Variants in UBAP2 observed in about 807,000 individuals in gnomAD.
UBAP2 encodes the protein ubiquitin-associated protein 2.
In UBAP2, 75 loss-of-function variants were observed where a neutral mutation model predicts 139.6. The ratio of observed to expected loss-of-function variants is 0.54; its 90% confidence interval spans 0.45 to 0.65. UBAP2 has a LOEUF of 0.65. Ranked by LOEUF, UBAP2 falls within the 30% of genes least tolerant of loss-of-function variation. The pLI is 0.00. For synonymous variants in UBAP2, 526 were observed against 526.2 expected (o/e 1.00, Z 0.01); for missense variants, 1,368 against 1,369.6 (o/e 1.00, Z 0.02).
intron 2 of UBAP2, 81 bp from the exon 3 acceptor site, chr9:33,998,945 G>T: frequency 8.8e-7 from 1 of 1,130,734 alleles, no homozygotes; most frequent in Non-Finnish European, 1.3e-6. Flanking sequence ...AACAGATAAG[G>T]CTCTCAAGCA....
chr9:33,968,687 T>C (rs1346287018), intron 8 of UBAP2, among the ~76,000 whole-genome samples: 3 of 152,262 alleles, frequency 2.0e-5, no homozygotes, highest in Non-Finnish European at 2.9e-5. Flanking sequence ...TATTTTTATA[T>C]ACAATACACA....
Position 33,953,266 on chromosome 9 carries a change from T to C in UBAP2, c.1056+19A>G. On this transcript the variant is annotated intron_variant, in intron 12 of 28. Transcript: ENST00000379238. ...GGGTATATTTCTTAAAATCCCACACTGAAATAAAAGTGAGTTACCAGGCTC... is the reference window on the plus strand; with the variant it reads ...GGGTATATTTCTTAAAATCCCACACCGAAATAAAAGTGAGTTACCAGGCTC... The C allele has an allele frequency of 6.2e-7, 1 of 1,601,488 alleles. No individual in the cohort carries two copies. The highest frequency in any genetic ancestry group is 8.5e-7 in the Non-Finnish European group (1 of 1,173,276).
rs766563675 is a variant in UBAP2, at chr9:33,922,514, C to T, written c.3350G>A (p.Trp1117Ter). Residue 1117 changes from tryptophan (W) to a stop codon, truncating the protein, a stop_gained, in exon 29 of 29, where the codon TGG becomes TAG. Coordinates refer to ENST00000379238, the MANE Select transcript of UBAP2 (RefSeq NM_001370062.2). LOFTEE classifies it high-confidence loss of function. The stretch of plus-strand genomic sequence containing the variant: ...CCCTCTCTTCTGGGTTTAGTTTGTC[C>T]AGTATGGAGAGTTGCCGTAGGCAGG... ...SKPAYGNSPY[W>*]TN The T allele has an allele frequency of 1.2e-6, 2 of 1,613,842 alleles. No individual in the cohort carries two copies.
rs775418992 is a variant in UBAP2 at position 33,941,772 on chromosome 9, G to C, written c.1806C>G (p.Ser602Arg). 6.2e-7 allele frequency: 1 copy of C among 1,614,118 alleles called. No homozygotes were observed. Among genetic ancestry groups the C allele is most frequent in the South Asian group, 1.1e-5 (1 of 91,074 alleles). Reference protein sequence around the residue: ...TSVITSCSLTSSSLNSASPVA... With the variant: ...TSVITSCSLTRSSLNSASPVA... The stretch of plus-strand genomic sequence containing the variant: ...CTGGACTAGCAGAATTCAGTGATGA[G>C]CTTGTCAGACTGCAGGAGGTAATGA... Residue 602 changes from serine to arginine, a missense_variant, in exon 16 of 29, where the codon AGC becomes AGG. Coordinates refer to ENST00000379238, the MANE Select transcript of UBAP2 (RefSeq NM_001370062.2).
At position 33,993,662 on chromosome 9, in the gene UBAP2, T is replaced by A. The variant is rs546864874; in HGVS notation, c.288+2561A>T. On this transcript the variant is annotated intron_variant, in intron 4 of 28. Coordinates refer to ENST00000379238, the MANE Select transcript of UBAP2 (RefSeq NM_001370062.2). ...GCCTGGGCAACGGAGTGAGACCCTG[T>A]CTTAATAAAAAACCCAAAACACCAA... Among the ~76,000 whole-genome samples the A allele has an allele frequency of 1.3e-4, 20 of 152,262 alleles. 1 individual carries two copies. In the East Asian group the frequency reaches 3.9e-3, roughly 29 times the overall value.
In UBAP2 at chr9:33,981,123, T is replaced by TTCTGG. The variant is rs1396244750; in HGVS notation, c.520+5636_520+5637insCCAGA. Among the ~76,000 whole-genome samples, 4 of 14,574 alleles carry TTCTGG rather than the reference T, an allele frequency of 2.7e-4. 2 individuals are homozygous for TTCTGG. The highest frequency in any genetic ancestry group is 6.7e-4 in the Non-Finnish European group (4 of 6,010). 9.6% of individuals were successfully genotyped at this position (14,574 alleles called of 152,430 possible). A position where few individuals can be genotyped will look rare whatever the true frequency, so the allele number is the denominator to read the frequency against. On this transcript the variant is annotated intron_variant, in intron 6 of 28. Coordinates refer to ENST00000379238, the MANE Select transcript of UBAP2 (RefSeq NM_001370062.2). The stretch of plus-strand genomic sequence containing the variant: ...TTCTGGATATATATATATATATATA[T>TTCTGG]ATATATATATATATTCTGGATATAT...
At chr9:34,021,900 C>T (rs2781285) in intron 1 of UBAP2, among the ~76,000 whole-genome samples, 59,843 of 151,860 alleles carry the variant, frequency 0.39, 11,858 homozygotes, top group Middle Eastern at 0.48. Flanking sequence ...TCCCAAAGTG[C>T]TGCAATTACA....
intron 6 of UBAP2, among the ~76,000 whole-genome samples, chr9:33,982,880 G>GTTTTTTTTTTTT (rs544925444): frequency 2.2e-5 from 3 of 138,478 alleles, no homozygotes; most frequent in Non-Finnish European, 1.6e-5. Flanking sequence ...GTTTTTTTTT[G>GTTTTTTTTTTTT]TTTTTTTTTT....
chr9:33,963,413 T>C (rs1221612796), intron 9 of UBAP2, among the ~76,000 whole-genome samples: 1 of 152,228 alleles, frequency 6.6e-6, no homozygotes, highest in Non-Finnish European at 1.5e-5. Flanking sequence ...AATCCTTATT[T>C]TCAGCTTAAA....
intron 6 of UBAP2, among the ~76,000 whole-genome samples, chr9:33,975,890 T>G (rs1828302787): frequency 6.6e-6 from 1 of 151,466 alleles, no homozygotes; most frequent in African/African-American, 2.4e-5. Context: ...GACCATATGA[T>G]CATGAAATTG....
At chr9:33,953,250 T>A in intron 12 of UBAP2, 35 bp downstream of exon 12, 1 of 1,583,072 alleles carries the variant, frequency 6.3e-7, no homozygotes, top group Non-Finnish European at 8.6e-7. Flanking sequence ...TGGGTATATT[T>A]CTTAAAATCC....
chr9:33,978,893 T>G (rs1353664712), intron 6 of UBAP2, among the ~76,000 whole-genome samples: 1 of 152,206 alleles, frequency 6.6e-6, no homozygotes, highest in Non-Finnish European at 1.5e-5. Flanking sequence ...TTGCCTTTTT[T>G]GCATTATTTT....
intron 3 of UBAP2, 62 bp from the exon 4 acceptor site, chr9:33,996,395 T>C (rs920689821): frequency 9.4e-7 from 1 of 1,066,560 alleles, no homozygotes; most frequent in Non-Finnish European, 1.4e-6. Flanking sequence ...ATATTAAGAT[T>C]CTTCTATACA....
In UBAP2 at chr9:33,925,824, CTG is replaced by C. The variant is rs573841315; in HGVS notation, c.2511+791_2511+792del. Among the ~76,000 whole-genome samples, 11 of 152,360 alleles carry C rather than the reference CTG, an allele frequency of 7.2e-5. No individual in the cohort carries two copies. In the South Asian group the frequency reaches 8.3e-4, roughly 11 times the overall value. ...CCTCTTCCTCCAGCAACAGGAAAGA[CTG>C]TATCCAGCAGAGGTGGTGTCCAAAC... On this transcript the variant is annotated intron_variant, in intron 22 of 28. Transcript: ENST00000379238.
intron 16 of UBAP2, among the ~76,000 whole-genome samples, chr9:33,940,709 G>A (rs1217052628): frequency 6.6e-6 from 1 of 152,176 alleles, no homozygotes; most frequent in Non-Finnish European, 1.5e-5. Context: ...AGCCCGGGAG[G>A]TCAAGGCTGC....
chr9:34,035,514 A>AAAAAAAAAAAAAAAAATATATAT, intron 1 of UBAP2, among the ~76,000 whole-genome samples: 2 of 22,492 alleles, frequency 8.9e-5, no homozygotes, highest in African/African-American at 2.5e-4. Flanking sequence ...AAAAAAAAAA[A>AAAAAAAAAAAAAAAAATATATAT]ATATATATAT....
chr9:33,926,529 C>T, intron 22 of UBAP2, 88 bp downstream of exon 22: 4 of 1,458,168 alleles, frequency 2.7e-6, no homozygotes. Flanking sequence ...ATCCTAAGGG[C>T]CAGAGAGTGT....
chr9:34,021,563 ACT>A (rs1222705326), intron 1 of UBAP2, among the ~76,000 whole-genome samples: 2 of 152,088 alleles, frequency 1.3e-5, no homozygotes, highest in African/African-American at 4.8e-5. Flanking sequence ...ATACGAACAC[ACT>A]GTTTTAAAAC....
chr9:33,998,641 A>C (rs1027255272), intron 3 of UBAP2, 146 bp downstream of exon 3: 1 of 620,516 alleles, frequency 1.6e-6, no homozygotes, highest in East Asian at 2.9e-5. Flanking sequence ...ATTTTTAATC[A>C]CAAGTCCAAA....
Sources: gnomAD v4.1 joint callset for allele counts (sites outside exome capture counted in the v4.1 genomes callset) on GRCh38, gnomAD v4.1.1 for gene constraint, MANE v1.5 for transcripts, NCBI Gene and HGNC (gene_info 2026-07-23, HGNC 2026-07-21) for gene names.